ZNF143: variants seen among roughly 807,000 people sequenced by gnomAD.
The protein encoded by ZNF143 is SPH-binding factor.
Under a neutral mutation model 74.1 loss-of-function variants are expected in ZNF143, and 49 were observed. The ratio of observed to expected loss-of-function variants is 0.66; its 90% CI spans 0.53 to 0.84. The LOEUF is 0.84. Among genes scored for constraint, ZNF143 ranks in the 40% least tolerant of loss-of-function variants. The pLI, the probability that ZNF143 is intolerant of heterozygous loss-of-function variation, is 0.00. For synonymous variants in ZNF143, 304 were observed against 282.8 expected (o/e 1.07, Z -0.75); for missense variants, 637 against 793.4 (o/e 0.80, Z 2.37).
intron 10 of ZNF143, among the ~76,000 whole-genome samples, chr11:9,498,154 G>A (rs950494340): frequency 3.3e-5 from 5 of 152,200 alleles, no homozygotes; most frequent in South Asian, 2.1e-4. Context: ...CTGCAGGGAC[G>A]GTACTTGAGG....
intron 14 of ZNF143, among the ~76,000 whole-genome samples, chr11:9,520,141 A>G (rs975265213): frequency 7.2e-6 from 1 of 138,508 alleles, no homozygotes; most frequent in African/African-American, 2.7e-5. Context: ...GGTTCAAGTG[A>G]TTCTCCTGCC....
intron 5 of ZNF143, among the ~76,000 whole-genome samples, chr11:9,475,122 G>A (rs969888085): frequency 3.9e-5 from 6 of 152,190 alleles, no homozygotes; most frequent in Non-Finnish European, 7.3e-5. Context: ...CTGGCCTCAA[G>A]CCAGCCTCCC....
chr11:9,481,686 G>C (rs539265745), intron 7 of ZNF143, among the ~76,000 whole-genome samples: 21 of 151,926 alleles, frequency 1.4e-4, no homozygotes, highest in Non-Finnish European at 2.4e-4. Flanking sequence ...TCAGGAGTCT[G>C]AGACCAACCT....
chr11:9,477,666 A>G (rs771662704), intron 5 of ZNF143, among the ~76,000 whole-genome samples: 15 of 152,334 alleles, frequency 9.8e-5, no homozygotes, highest in Middle Eastern at 3.4e-3. Context: ...TTTTATATCA[A>G]TACCAGTATA....
chr11:9,516,546 A>T (rs547088626), intron 14 of ZNF143, among the ~76,000 whole-genome samples, 184 bp downstream of exon 14: 9 of 152,206 alleles, frequency 5.9e-5, no homozygotes, highest in African/African-American at 2.2e-4. Flanking sequence ...TGCTAGTTGC[A>T]TGTACCCCAT....
At chr11:9,517,055 C>G (rs1349332372) in intron 14 of ZNF143, among the ~76,000 whole-genome samples, 1 of 152,182 alleles carries the variant, frequency 6.6e-6, no homozygotes, top group Non-Finnish European at 1.5e-5. Flanking sequence ...GCTGAGACTA[C>G]AGGTGTGCAC....
Position 9,476,746 on chromosome 11 carries a change from C to CTTTTTTTTTTTTT in ZNF143, c.374-1625_374-1613dup, listed in dbSNP as rs869069237. ...TTGTTGTGAAGCCAAAGGGAGGAATCTTTTTTTTTTTTTTTTTTTTTTTTT... is the reference window on the plus strand; with the variant it reads ...TTGTTGTGAAGCCAAAGGGAGGAATCTTTTTTTTTTTTTTTTTTTTTTTTTTTTTTTTTTTTTT... On this transcript the variant is annotated intron_variant, in intron 5 of 15. Coordinates refer to ENST00000396602, the MANE Select transcript of ZNF143 (RefSeq NM_003442.6). Among the ~76,000 whole-genome samples, 35 of 34,854 alleles carry CTTTTTTTTTTTTT rather than the reference C, an allele frequency of 1.0e-3. 11 individuals carry two copies. The highest frequency in any genetic ancestry group is 1.5e-3 in the Non-Finnish European group (29 of 18,726). 22.9% of individuals were successfully genotyped at this position (34,854 alleles called of 152,430 possible).
chr11:9,464,924 A>G (rs1856106639), intron 1 of ZNF143, among the ~76,000 whole-genome samples: 1 of 151,480 alleles, frequency 6.6e-6, no homozygotes, highest in Non-Finnish European at 1.5e-5. Context: ...CTCTGTCTCA[A>G]AAAAAAAATA....
intron 13 of ZNF143, among the ~76,000 whole-genome samples, chr11:9,513,119 C>T (rs1303826105): frequency 6.6e-6 from 1 of 152,196 alleles, no homozygotes. Flanking sequence ...TTATTATTTT[C>T]TAGATGTCAC....
At chr11:9,519,959 G>T (rs542966283) in intron 14 of ZNF143, among the ~76,000 whole-genome samples, 2 of 151,870 alleles carry the variant, frequency 1.3e-5, no homozygotes, top group African/African-American at 2.4e-5. Context: ...GCCAAGGTCG[G>T]AGGATTGCTT....
chr11:9,486,396 A>ATATAATTATAT (rs1245802133), intron 7 of ZNF143, among the ~76,000 whole-genome samples: 1 of 11,922 alleles, frequency 8.4e-5, no homozygotes, highest in African/African-American at 2.2e-4. Flanking sequence ...TAATATATAT[A>ATATAATTATAT]ATATATTATA....
intron 7 of ZNF143, among the ~76,000 whole-genome samples, chr11:9,494,098 G>C (rs771318936): frequency 9.9e-5 from 15 of 152,134 alleles, no homozygotes; most frequent in Admixed American, 3.3e-4. Context: ...GAATAGATCT[G>C]TGAGCTCCAG....
At chr11:9,475,197 C>T (rs1474682212) in intron 5 of ZNF143, among the ~76,000 whole-genome samples, 2 of 152,130 alleles carry the variant, frequency 1.3e-5, no homozygotes, top group African/African-American at 2.4e-5. Context: ...TAAAAGCAGC[C>T]TTGGCTCCTT....
Position 9,486,349 on chromosome 11 carries a change from A to AT in ZNF143, c.645+6804dup, listed in dbSNP as rs1265178369. ...CCTAGGCGCTAATTATATTATATAT[A>AT]TATTATATATATATTATATATAATA... On this transcript the variant is annotated intron_variant, in intron 7 of 15. Coordinates refer to ENST00000396602, the MANE Select transcript of ZNF143 (RefSeq NM_003442.6). Among the ~76,000 whole-genome samples the AT allele has an allele frequency of 5.6e-4, 35 of 62,560 alleles. 1 individual carries two copies. Among genetic ancestry groups the AT allele is most frequent in the African/African-American group, 2.2e-3 (34 of 15,270 alleles). 41.0% of individuals were successfully genotyped at this position (62,560 alleles called of 152,430 possible).
chr11:9,526,328 T>A (rs1334994415), intron 15 of ZNF143, among the ~76,000 whole-genome samples: 1 of 152,066 alleles, frequency 6.6e-6, no homozygotes, highest in East Asian at 1.9e-4. Flanking sequence ...TACTCCAGCC[T>A]GGGCAACAGA....
chr11:9,487,361 G>A (rs1847599987), intron 7 of ZNF143, among the ~76,000 whole-genome samples: 1 of 146,136 alleles, frequency 6.8e-6, no homozygotes, highest in Non-Finnish European at 1.5e-5. Context: ...ATGTCTTTTT[G>A]TTTGTTTGTT....
intron 14 of ZNF143, among the ~76,000 whole-genome samples, chr11:9,521,781 G>C (rs1203804328): frequency 3.3e-5 from 5 of 151,930 alleles, no homozygotes; most frequent in Non-Finnish European, 5.9e-5. Context: ...CATAGGATCT[G>C]GGGGCCGGGT....
intron 11 of ZNF143, among the ~76,000 whole-genome samples, chr11:9,501,973 G>A (rs1356576058): frequency 1.1e-5 from 1 of 91,928 alleles, no homozygotes; most frequent in Non-Finnish European, 1.9e-5. Context: ...TTTCGCTGTT[G>A]TTGCCCAGGC....
chr11:9,520,359 A>G (rs1251452910), intron 14 of ZNF143, among the ~76,000 whole-genome samples: 1 of 142,852 alleles, frequency 7.0e-6, no homozygotes, highest in East Asian at 2.0e-4. Flanking sequence ...TTAGCAAAGC[A>G]TGGCAGCATA....
Sources: gnomAD v4.1 joint callset for allele counts (sites outside exome capture counted in the v4.1 genomes callset) on GRCh38, gnomAD v4.1.1 for gene constraint, MANE v1.5 for transcripts, NCBI Gene and HGNC (gene_info 2026-07-23, HGNC 2026-07-21) for gene names.